Variants in UGGT2 observed in about 807,000 individuals in gnomAD.
UGGT2 encodes UDP-glucose glycoprotein glucosyltransferase 2, also known as UDP-glucose:glycoprotein glucosyltransferase 2.
Under a neutral mutation model 192.1 loss-of-function variants are expected in UGGT2, and 180 were observed. The observed-to-expected ratio is 0.94, with a 90% CI of 0.83 to 1.06. The LOEUF is 1.06. Among genes scored for constraint, UGGT2 ranks in the 50% least tolerant of loss-of-function variants. The pLI, the probability that UGGT2 is intolerant of heterozygous loss-of-function variation, is 0.00. For synonymous variants in UGGT2, 580 were observed against 591.0 expected (o/e 0.98, Z 0.27); for missense variants, 1,849 against 1,795.7 (o/e 1.03, Z -0.54).
chr13:95,951,000 A>C (rs117099885), intron 12 of UGGT2, among the ~76,000 whole-genome samples: 530 of 152,312 alleles, frequency 3.5e-3, no homozygotes, highest in Non-Finnish European at 6.4e-3. Flanking sequence ...TGGAGCAAAT[A>C]ATACTTGAAG....
intron 5 of UGGT2, among the ~76,000 whole-genome samples, chr13:96,004,518 CGAGT>C (rs200209939): frequency 0.014 from 2,161 of 152,100 alleles, 26 homozygotes; most frequent in South Asian, 0.054. Context: ...GCAGCACAAT[CGAGT>C]GACTATGGTT....
intron 8 of UGGT2, among the ~76,000 whole-genome samples, chr13:95,987,148 T>C (rs1294509456): frequency 6.6e-6 from 1 of 152,140 alleles, no homozygotes; most frequent in Non-Finnish European, 1.5e-5. Context: ...TATCTTACAA[T>C]GACTTTAAAT....
chr13:95,812,463 G>C (rs1469078026), intron 38 of UGGT2, among the ~76,000 whole-genome samples: 1 of 152,052 alleles, frequency 6.6e-6, no homozygotes, highest in Non-Finnish European at 1.5e-5. Flanking sequence ...TTAAGTAAAA[G>C]GATAAAAAAT....
intron 31 of UGGT2, among the ~76,000 whole-genome samples, chr13:95,861,658 TTTATATA>T (rs1890181876): frequency 6.6e-6 from 1 of 152,146 alleles, no homozygotes; most frequent in Non-Finnish European, 1.5e-5. Flanking sequence ...TCAAAATACT[TTTATATA>T]AACAGATATT....
At chr13:95,811,104 G>A (rs1432024145) in intron 38 of UGGT2, among the ~76,000 whole-genome samples, 3 of 152,098 alleles carry the variant, frequency 2.0e-5, no homozygotes, top group Non-Finnish European at 4.4e-5. Context: ...GACATAATAA[G>A]TATTGACAAG....
intron 20 of UGGT2, among the ~76,000 whole-genome samples, chr13:95,923,455 G>A (rs1446658462): frequency 2.1e-5 from 3 of 146,022 alleles, no homozygotes; most frequent in African/African-American, 5.1e-5. Context: ...TGCAACCTCC[G>A]CCTCCCGGGT....
chr13:95,987,311 T>TC (rs1566797345), intron 8 of UGGT2, among the ~76,000 whole-genome samples: 2 of 152,168 alleles, frequency 1.3e-5, no homozygotes, highest in Non-Finnish European at 2.9e-5. Flanking sequence ...TTATATGCCT[T>TC]CTATCACTAT....
At chr13:96,032,941 T>C (rs1418171281) in intron 1 of UGGT2, among the ~76,000 whole-genome samples, 1 of 152,182 alleles carries the variant, frequency 6.6e-6, no homozygotes, top group Admixed American at 6.5e-5. Flanking sequence ...GGGCAAGGCT[T>C]AACTGATTTG....
At chr13:96,046,585 C>T (rs1378894878) in intron 1 of UGGT2, among the ~76,000 whole-genome samples, 1 of 152,140 alleles carries the variant, frequency 6.6e-6, no homozygotes, top group Non-Finnish European at 1.5e-5. Flanking sequence ...ACTGAGGTAC[C>T]AGGTTCATCT....
intron 1 of UGGT2, among the ~76,000 whole-genome samples, chr13:96,050,870 T>C (rs981172347): frequency 6.6e-6 from 1 of 152,192 alleles, no homozygotes; most frequent in Non-Finnish European, 1.5e-5. Context: ...AGGGACACTT[T>C]TACACTGTTG....
intron 21 of UGGT2, among the ~76,000 whole-genome samples, chr13:95,902,224 T>C (rs1379843433): frequency 6.6e-6 from 1 of 152,168 alleles, no homozygotes; most frequent in Non-Finnish European, 1.5e-5. Flanking sequence ...TTTAATTTAT[T>C]TTCTCACTCT....
chr13:95,829,912 G>A (rs1339635541), intron 38 of UGGT2, among the ~76,000 whole-genome samples: 1 of 152,116 alleles, frequency 6.6e-6, no homozygotes. Flanking sequence ...AAACAGCATG[G>A]TACTGGTACC....
At chr13:95,991,469 C>G in intron 7 of UGGT2, 1 of 454,534 alleles carries the variant, frequency 2.2e-6, no homozygotes, top group Non-Finnish European at 4.4e-6. Flanking sequence ...AGTCAATAGA[C>G]AAGCCTTTGA....
In UGGT2 at chr13:95,990,093, G is replaced by C. The variant is rs2051410221; in HGVS notation, c.831-20C>G. 2 of 1,531,862 alleles carry C rather than the reference G, an allele frequency of 1.3e-6. No homozygotes were observed. Among genetic ancestry groups the C allele is most frequent in the Non-Finnish European group, 8.9e-7 (1 of 1,121,968 alleles). The allele number at this position is 1,531,862 out of a possible 1,614,324, so 94.9% of individuals were successfully genotyped here. On this transcript the variant is annotated intron_variant, in intron 7 of 38. Transcript: ENST00000376747. ...ATTTCTCTGCATCAAAATATTAAGT[G>C]ATGTTAAGTAGCATCACCTATCACA...
At chr13:95,951,327 G>C (rs1311111197) in intron 12 of UGGT2, among the ~76,000 whole-genome samples, 1 of 152,198 alleles carries the variant, frequency 6.6e-6, no homozygotes, top group African/African-American at 2.4e-5. Context: ...TGAGCAGTTA[G>C]AAGAAAGAAT....
At chr13:95,961,901 CA>C (rs537143681) in intron 12 of UGGT2, among the ~76,000 whole-genome samples, 99 of 152,052 alleles carry the variant, frequency 6.5e-4, no homozygotes, top group African/African-American at 2.3e-3. Context: ...TCTCACACCA[CA>C]ATGGAATAAA....
At chr13:95,968,920 G>C (rs1407337353) in intron 12 of UGGT2, among the ~76,000 whole-genome samples, 2 of 152,130 alleles carry the variant, frequency 1.3e-5, no homozygotes, top group Non-Finnish European at 2.9e-5. Context: ...AGAAGGGTCT[G>C]TTTACATGAC....
chr13:95,837,149 G>A lies in UGGT2; in HGVS notation c.4338C>T (p.Asp1446=). ...CACACCAGGTTTCACACCACAGCCA[G>A]TCTTGAGGAAGAGACTTAATGGCGA... The part of the protein sequence containing the change: ...YQVAIKSLPQ[D]WLWCETWCDD... Residue 1446 remains aspartate (D), a synonymous_variant, in exon 37 of 39, where the codon GAC becomes GAT. Coordinates refer to ENST00000376747, the MANE Select transcript of UGGT2 (RefSeq NM_020121.4). The A allele has an allele frequency of 6.2e-7, 1 of 1,614,054 alleles. No homozygotes were observed. Among genetic ancestry groups the A allele is most frequent in the South Asian group, 1.1e-5 (1 of 91,080 alleles).
At chr13:95,913,629 A>G (rs1168908452) in intron 20 of UGGT2, among the ~76,000 whole-genome samples, 2 of 152,268 alleles carry the variant, frequency 1.3e-5, no homozygotes, top group African/African-American at 2.4e-5. Context: ...ACGCTTTTAC[A>G]CTGTTGGTGT....
Sources: gnomAD v4.1 joint callset for allele counts (sites outside exome capture counted in the v4.1 genomes callset) on GRCh38, gnomAD v4.1.1 for gene constraint, MANE v1.5 for transcripts, NCBI Gene and HGNC (gene_info 2026-07-23, HGNC 2026-07-21) for gene names.